IL7: variants seen among roughly 807,000 people sequenced by gnomAD.
The protein encoded by IL7 is interleukin 7.
In IL7, 3 loss-of-function variants were observed where a neutral mutation model predicts 21.6. That is an observed-to-expected ratio of 0.14 (90% CI 0.06 to 0.36). The LOEUF (loss-of-function observed/expected upper bound fraction) is 0.36, where lower values mean the gene tolerates loss of function less well. IL7 is among the 10% of genes least tolerant of loss of function. The pLI is 1.00. For synonymous variants in IL7, 62 were observed against 68.1 expected (o/e 0.91, Z 0.44); for missense variants, 175 against 200.2 (o/e 0.87, Z 0.76).
intron 2 of IL7, among the ~76,000 whole-genome samples, chr8:78,774,434 T>C (rs1468265645): frequency 6.6e-6 from 1 of 152,168 alleles, no homozygotes; most frequent in Non-Finnish European, 1.5e-5. Flanking sequence ...TTGTACTAAA[T>C]TTTATGTTAA....
intron 2 of IL7, among the ~76,000 whole-genome samples, chr8:78,746,132 T>C (rs1811970914): frequency 6.6e-6 from 1 of 152,248 alleles, no homozygotes; most frequent in Non-Finnish European, 1.5e-5. Context: ...TTATTTAGCC[T>C]ACTATAGAGA....
intron 2 of IL7, among the ~76,000 whole-genome samples, chr8:78,749,305 TA>T (rs1245004962): frequency 6.6e-6 from 1 of 152,092 alleles, no homozygotes; most frequent in African/African-American, 2.4e-5. Flanking sequence ...AATATTAGTA[TA>T]AAATAGTTGT....
At chr8:78,691,368 T>C (rs1003816560) in intron 3 of IL7, among the ~76,000 whole-genome samples, 3 of 152,206 alleles carry the variant, frequency 2.0e-5, no homozygotes, top group African/African-American at 7.2e-5. Context: ...TGTTCCTTTT[T>C]GTCTGTGGCA....
chr8:78,715,656 A>C (rs1268939461), downstream of IL7, among the ~76,000 whole-genome samples: 1 of 152,204 alleles, frequency 6.6e-6, no homozygotes, highest in Non-Finnish European at 1.5e-5. Context: ...TGGAGGAGGT[A>C]ACTGCAGATG....
chr8:78,776,327 G>A (rs1401294780), intron 2 of IL7, among the ~76,000 whole-genome samples: 2 of 152,096 alleles, frequency 1.3e-5, no homozygotes, highest in Non-Finnish European at 2.9e-5. Context: ...GGATGGGATA[G>A]AGTGAGACAG....
chr8:78,804,836 A>C, intron 1 of IL7, 77 bp downstream of exon 1: 1 of 1,559,112 alleles, frequency 6.4e-7, no homozygotes, highest in Non-Finnish European at 8.8e-7. Context: ...GCCTAGGAGC[A>C]GGGGCCCCCA....
At chr8:78,695,304 A>G (rs948475050) in intron 3 of IL7, among the ~76,000 whole-genome samples, 20 of 152,266 alleles carry the variant, frequency 1.3e-4, no homozygotes, top group African/African-American at 4.6e-4. Context: ...TTTTGGAGAC[A>G]TGTTCTGCCT....
At chr8:78,727,312 A>C (rs1165059051) in intron 3 of IL7, among the ~76,000 whole-genome samples, 1 of 152,024 alleles carries the variant, frequency 6.6e-6, no homozygotes, top group East Asian at 1.9e-4. Flanking sequence ...TGACATATAT[A>C]ATAGATCATT....
chr8:78,757,405 T>G (rs925998831), intron 2 of IL7, among the ~76,000 whole-genome samples: 1 of 152,064 alleles, frequency 6.6e-6, no homozygotes, highest in African/African-American at 2.4e-5. Flanking sequence ...TAGGTCCACT[T>G]GGTCTATAGC....
At chr8:78,678,553 A>T (rs753613422) in intron 4 of IL7, 1 of 1,598,254 alleles carries the variant, frequency 6.3e-7, no homozygotes, top group Non-Finnish European at 8.5e-7. Context: ...GCATTTCTTT[A>T]TCTTAACAGA....
intron 2 of IL7, among the ~76,000 whole-genome samples, chr8:78,789,820 A>AT (rs1813627288): frequency 6.6e-6 from 1 of 152,224 alleles, no homozygotes; most frequent in Non-Finnish European, 1.5e-5. Flanking sequence ...ATCAAAGATG[A>AT]TTCTAGGCTT....
intron 1 of IL7, among the ~76,000 whole-genome samples, chr8:78,800,694 A>G (rs1363456123): frequency 1.3e-5 from 2 of 152,122 alleles, no homozygotes; most frequent in East Asian, 3.9e-4. Flanking sequence ...TCAGATTTGT[A>G]TAGATTGTAT....
intron 2 of IL7, among the ~76,000 whole-genome samples, chr8:78,768,044 G>A (rs1812817276): frequency 6.6e-6 from 1 of 152,006 alleles, no homozygotes; most frequent in South Asian, 2.1e-4. Context: ...TCTTGTGATA[G>A]TTTACTGAGA....
downstream of IL7, among the ~76,000 whole-genome samples, chr8:78,730,812 A>G (rs1357243499): frequency 1.3e-5 from 2 of 151,976 alleles, no homozygotes; most frequent in Non-Finnish European, 2.9e-5. Context: ...ATAAAGTACT[A>G]AGATGAATCT....
At chr8:78,711,538 A>C (rs1055840649) in intron 3 of IL7, among the ~76,000 whole-genome samples, 13 of 152,090 alleles carry the variant, frequency 8.5e-5, no homozygotes, top group Non-Finnish European at 1.5e-5. Flanking sequence ...AATGGAGTAC[A>C]TGTTATTTAG....
At chr8:78,708,436 G>C (rs1180890751) in intron 3 of IL7, among the ~76,000 whole-genome samples, 7 of 152,036 alleles carry the variant, frequency 4.6e-5, no homozygotes, top group Non-Finnish European at 8.8e-5. Context: ...CCAACACTTT[G>C]GGAGAGTGAG....
chr8:78,711,933 TTA>T (rs1810961797), intron 3 of IL7: 2 of 1,111,292 alleles, frequency 1.8e-6, no homozygotes, highest in Non-Finnish European at 2.4e-6. Context: ...TAAAAAAACT[TTA>T]TATAAAGAAG....
chr8:78,711,967 T>C (rs1445252218), intron 3 of IL7: 1 of 1,270,384 alleles, frequency 7.9e-7, no homozygotes, highest in African/African-American at 1.5e-5. Flanking sequence ...TCCTTATGGG[T>C]ACACCTTTAT....
intron 2 of IL7, among the ~76,000 whole-genome samples, chr8:78,756,053 A>G (rs1812335773): frequency 6.6e-6 from 1 of 151,932 alleles, no homozygotes; most frequent in African/African-American, 2.4e-5. Context: ...CTTGAATTAT[A>G]TCAAATGCTT....
Sources: allele counts gnomAD v4.1 joint callset (sites outside exome capture counted in the v4.1 genomes callset), GRCh38; gene constraint gnomAD v4.1.1; transcripts MANE v1.5; gene names NCBI Gene and HGNC (gene_info 2026-07-23, HGNC 2026-07-21).